The following SGCZ variants were observed in gnomAD, a reference collection of about 807,000 sequenced individuals.
SGCZ encodes zeta-sarcoglycan.
Under a neutral mutation model 41.3 loss-of-function variants are expected in SGCZ, and 40 were observed. The observed-to-expected ratio is 0.97, with a 90% CI of 0.75 to 1.26. SGCZ has a LOEUF of 1.26. Ranked by LOEUF, SGCZ falls within the 50% of genes most tolerant of loss-of-function variation. The pLI, the probability that SGCZ is intolerant of heterozygous loss-of-function variation, is 0.00. For missense variants in SGCZ, 552 were observed against 369.8 expected (o/e 1.49, Z -4.04); for synonymous variants, 206 against 137.5 (o/e 1.50, Z -3.49).
intron 1 of SGCZ, among the ~76,000 whole-genome samples, chr8:14,613,344 C>G (rs140419114): frequency 6.6e-6 from 1 of 152,126 alleles, no homozygotes; most frequent in East Asian, 1.9e-4. Flanking sequence ...AGTTTATGAA[C>G]GTACGATTGG....
intron 1 of SGCZ, among the ~76,000 whole-genome samples, chr8:14,711,673 C>G (rs1028666229): frequency 6.8e-6 from 1 of 147,594 alleles, no homozygotes; most frequent in Admixed American, 6.8e-5. Flanking sequence ...AGGATAGGAA[C>G]ATATGTAATA....
At chr8:15,004,761 G>A (rs1037477098) in intron 1 of SGCZ, among the ~76,000 whole-genome samples, 2 of 152,132 alleles carry the variant, frequency 1.3e-5, no homozygotes, top group African/African-American at 4.8e-5. Context: ...TTATAAGGAA[G>A]GAATAAGAGG....
chr8:14,819,301 T>C (rs554672693), intron 1 of SGCZ, among the ~76,000 whole-genome samples: 2 of 152,278 alleles, frequency 1.3e-5, no homozygotes, highest in East Asian at 3.9e-4. Context: ...ATTTAACTTG[T>C]CTGGGAAGGT....
At chr8:14,979,376 T>C (rs1393380783) in intron 1 of SGCZ, among the ~76,000 whole-genome samples, 1 of 152,040 alleles carries the variant, frequency 6.6e-6, no homozygotes, top group Non-Finnish European at 1.5e-5. Flanking sequence ...CATCTATAAT[T>C]CAAAAACCAG....
intron 1 of SGCZ, among the ~76,000 whole-genome samples, chr8:14,944,420 T>A (rs1296040853): frequency 6.6e-6 from 1 of 152,212 alleles, no homozygotes; most frequent in Non-Finnish European, 1.5e-5. Context: ...ATGATTTTCA[T>A]AAAAATGGTC....
intron 4 of SGCZ, among the ~76,000 whole-genome samples, chr8:14,228,374 C>T (rs1008823941): frequency 2.6e-5 from 4 of 152,030 alleles, no homozygotes; most frequent in African/African-American, 9.7e-5. Flanking sequence ...TTTAAAGCCA[C>T]TCCTTTCTTA....
At chr8:14,486,288 A>G (rs926129018) in intron 2 of SGCZ, among the ~76,000 whole-genome samples, 1 of 152,122 alleles carries the variant, frequency 6.6e-6, no homozygotes, top group Non-Finnish European at 1.5e-5. Flanking sequence ...TATAGAGGCC[A>G]TATGTTGAGT....
intron 2 of SGCZ, among the ~76,000 whole-genome samples, chr8:14,474,375 C>T (rs1465146161): frequency 6.6e-6 from 1 of 152,160 alleles, no homozygotes; most frequent in Non-Finnish European, 1.5e-5. Flanking sequence ...ACTTCTAAAT[C>T]TACAGAAACA....
At chr8:14,372,009 T>C (rs557448537) in intron 2 of SGCZ, among the ~76,000 whole-genome samples, 17 of 152,168 alleles carry the variant, frequency 1.1e-4, no homozygotes, top group African/African-American at 3.4e-4. Flanking sequence ...AATCTTTATA[T>C]GCCATGAAGA....
In SGCZ at chr8:14,088,379, T is replaced by C. The variant is rs1044629543; in HGVS notation, c.*2064A>G. Among the ~76,000 whole-genome samples, 2 of 151,858 alleles carry C rather than the reference T, an allele frequency of 1.3e-5. No individual in the cohort carries two copies. The highest frequency in any genetic ancestry group is 2.9e-5 in the Non-Finnish European group (2 of 67,842). ...CCCATTTGACTTAGAAAGTTTCTAA[T>C]TGTTTTAATGGAAGGATGATTAGAA... On this transcript the variant is annotated 3_prime_UTR_variant, in exon 8 of 8. Coordinates refer to ENST00000382080, the MANE Select transcript of SGCZ (RefSeq NM_139167.4).
At chr8:14,629,522 G>A (rs28571982) in intron 1 of SGCZ, among the ~76,000 whole-genome samples, 103,061 of 151,926 alleles carry the variant, frequency 0.68, 35,140 homozygotes, top group East Asian at 0.78. Flanking sequence ...TATAAAAAGT[G>A]CATAAGATAT....
rs772357905 is a variant in SGCZ, at chr8:14,104,218, C to T, written c.621-1719G>A. ...GAAATTAGTGAATTATAATTGTATT[C>T]ATTTTTATAATTGTATTCATTTGGA... On this transcript the variant is annotated intron_variant, in intron 6 of 7. Transcript: ENST00000382080. Among the ~76,000 whole-genome samples the T allele has an allele frequency of 5.9e-5, 9 of 152,144 alleles. 1 individual carries two copies. The Middle Eastern group carries it at 0.014, about 230-fold the overall frequency.
chr8:14,416,078 C>A (rs1189811252), intron 2 of SGCZ, among the ~76,000 whole-genome samples: 1 of 151,910 alleles, frequency 6.6e-6, no homozygotes, highest in African/African-American at 2.4e-5. Context: ...CTTGAGGAGA[C>A]TCCATAGCAT....
intron 1 of SGCZ, among the ~76,000 whole-genome samples, chr8:15,187,590 C>G (rs113474223): frequency 4.6e-5 from 7 of 151,956 alleles, no homozygotes; most frequent in African/African-American, 1.7e-4. Flanking sequence ...GAAATAGACT[C>G]AAAATCACAT....
intron 1 of SGCZ, among the ~76,000 whole-genome samples, chr8:14,904,662 TCTC>T (rs1178401244): frequency 6.6e-6 from 1 of 152,006 alleles, no homozygotes; most frequent in Non-Finnish European, 1.5e-5. Flanking sequence ...AAAGAGATTC[TCTC>T]CTCAATAAGA....
At chr8:15,177,029 G>C (rs1406672569) in intron 1 of SGCZ, among the ~76,000 whole-genome samples, 1 of 152,050 alleles carries the variant, frequency 6.6e-6, no homozygotes, top group Non-Finnish European at 1.5e-5. Flanking sequence ...AAGAAAGAAA[G>C]ACACTATATG....
rs116132652 is a variant in SGCZ, at chr8:15,204,504, G to A, written c.39+33081C>T. On this transcript the variant is annotated intron_variant, in intron 1 of 7. Transcript: ENST00000382080. The stretch of plus-strand genomic sequence containing the variant: ...GGCAGCTTACTTTCTTCCTAAAAAT[G>A]ACTCAAAATTTTGGGCATTCTGCTT... Among the ~76,000 whole-genome samples, 1,152 of 152,210 alleles carry A rather than the reference G, an allele frequency of 7.6e-3. 16 individuals are homozygous for A. Among genetic ancestry groups the A allele is most frequent in the African/African-American group, 0.026 (1,088 of 41,552 alleles).
chr8:14,468,698 T>C (rs997541378), intron 2 of SGCZ, among the ~76,000 whole-genome samples: 22 of 152,224 alleles, frequency 1.4e-4, no homozygotes, highest in African/African-American at 5.3e-4. Flanking sequence ...TTTATTCAAG[T>C]TCATGCAAAT....
chr8:14,400,787 A>G (rs1422888268), intron 2 of SGCZ, among the ~76,000 whole-genome samples: 1 of 152,156 alleles, frequency 6.6e-6, no homozygotes, highest in Non-Finnish European at 1.5e-5. Context: ...AGTAAAATAT[A>G]TGCACACATA....
Sources: allele counts gnomAD v4.1 joint callset (sites outside exome capture counted in the v4.1 genomes callset), GRCh38; gene constraint gnomAD v4.1.1; transcripts MANE v1.5; gene names NCBI Gene and HGNC (gene_info 2026-07-23, HGNC 2026-07-21).